GABRA3: variants seen among roughly 807,000 people sequenced by gnomAD.
The protein encoded by GABRA3 is gamma-aminobutyric acid receptor subunit alpha-3.
A neutral mutation model predicts 30.1 loss-of-function variants in GABRA3; 10 were observed. The ratio of observed to expected loss-of-function variants is 0.33; its 90% CI spans 0.20 to 0.56. The LOEUF (loss-of-function observed/expected upper bound fraction) is 0.56. Among genes scored for constraint, GABRA3 ranks in the 20% least tolerant of loss-of-function variants. The pLI is 0.89. For missense variants in GABRA3, 233 were observed against 392.0 expected, an observed-to-expected ratio of 0.59 and a Z score of 3.42; for synonymous variants, 151 against 146.8, an observed-to-expected ratio of 1.03 and a Z score of -0.21.
At chrX:152,440,903 A>G (rs1930910336) in intron 1 of GABRA3, among the ~76,000 whole-genome samples, 1 of 110,604 alleles carries the variant, frequency 9.0e-6, no homozygotes, top group South Asian at 3.9e-4. Flanking sequence ...TAGGAGAAAT[A>G]CCTAATGTAT....
chrX:152,169,838 GTTTTC>G (rs375406709), intron 9 of GABRA3, among the ~76,000 whole-genome samples: 2 of 111,220 alleles, frequency 1.8e-5, no homozygotes, highest in African/African-American at 6.5e-5. Flanking sequence ...CTTCCTACTT[GTTTTC>G]TTTGTGTGTT....
intron 1 of GABRA3, among the ~76,000 whole-genome samples, chrX:152,439,137 TTA>T (rs199688199): frequency 2.7e-5 from 3 of 110,046 alleles, no homozygotes; most frequent in Non-Finnish European, 3.8e-5. Flanking sequence ...ATTATTATTA[TTA>T]TTTTTTGAGA....
At chrX:152,314,030 AG>A (rs1305966241) in intron 3 of GABRA3, among the ~76,000 whole-genome samples, 3 of 111,718 alleles carry the variant, frequency 2.7e-5, no homozygotes, top group African/African-American at 9.8e-5. Flanking sequence ...GTCCCAGGAA[AG>A]GAAGATATCA....
Position 152,255,876 on chromosome X carries a change from G to A in GABRA3, c.453C>T (p.Thr151=), listed in dbSNP as rs868091996. The change falls in exon 5 of 10, where the codon ACC becomes ACT. Residue 151 remains threonine (T), a synonymous_variant. Coordinates refer to ENST00000370314, the MANE Select transcript of GABRA3 (RefSeq NM_000808.4). ...LLASKIWTPD[T]FFHNGKKSVA... ...CTGATTTCTTGCCATTGTGGAAGAA[G>A]GTGTCCGGTGTCCAGATCTTACTAG... is the stretch of plus-strand genomic sequence containing the variant. 8.3e-7 allele frequency: 1 copy of A among 1,210,157 alleles called. No homozygotes were observed. The highest frequency in any genetic ancestry group is 1.7e-5 in the African/African-American group (1 of 57,570).
chrX:152,368,204 G>T (rs1237987045), intron 1 of GABRA3, among the ~76,000 whole-genome samples: 1 of 111,418 alleles, frequency 9.0e-6, no homozygotes, highest in Non-Finnish European at 1.9e-5. Flanking sequence ...ATTAACTCTA[G>T]TCACCATGTT....
At chrX:152,327,202 C>CA (rs1191603368) in intron 3 of GABRA3, among the ~76,000 whole-genome samples, 1 of 109,641 alleles carries the variant, frequency 9.1e-6, no homozygotes, top group Non-Finnish European at 1.9e-5. Flanking sequence ...ATTCACAAAG[C>CA]AAGCCCTTAG....
At chrX:152,211,258 C>T (rs1029921109) in intron 6 of GABRA3, among the ~76,000 whole-genome samples, 54 of 109,240 alleles carry the variant, frequency 4.9e-4, no homozygotes, top group Non-Finnish European at 6.4e-4. Flanking sequence ...CTTGCTGGAT[C>T]TCTTAACTTA....
In GABRA3 at chrX:152,267,634, T is replaced by A. The variant is rs1474650904; in HGVS notation, c.331-11636A>T. On this transcript the variant is annotated intron_variant, in intron 4 of 9. Coordinates refer to ENST00000370314, the MANE Select transcript of GABRA3 (RefSeq NM_000808.4). ...GGAATTAAGCAATGCAGCCATCAGG[T>A]CCTGGGTTTTATTTGACAGGAGAAA... is the stretch of plus-strand genomic sequence containing the variant. Among the ~76,000 whole-genome samples the A allele has an allele frequency of 2.7e-5, 3 of 111,442 alleles. No individual in the cohort carries two copies. The East Asian group carries it at 8.4e-4, about 31-fold the overall frequency.
chrX:152,386,787 C>T (rs1929328213), intron 1 of GABRA3, among the ~76,000 whole-genome samples: 1 of 110,665 alleles, frequency 9.0e-6, no homozygotes, highest in African/African-American at 3.3e-5. Context: ...CCCAGCCATC[C>T]CATTACTGGG....
chrX:152,279,962 G>A (rs190710735), intron 4 of GABRA3, among the ~76,000 whole-genome samples: 1 of 111,431 alleles, frequency 9.0e-6, no homozygotes, highest in Non-Finnish European at 1.9e-5. Context: ...CATTGATTTT[G>A]TATCCTGAGA....
chrX:152,404,732 TTTATTATTATTATTATTATTATTATTA>T (rs201230420), intron 1 of GABRA3, among the ~76,000 whole-genome samples: 102 of 65,898 alleles, frequency 1.5e-3, no homozygotes, highest in African/African-American at 4.1e-3. Flanking sequence ...CAGGAAGTCA[TTTATTATTATTATTATTATTATTATTA>T]TTATTATTAT....
intron 4 of GABRA3, among the ~76,000 whole-genome samples, chrX:152,260,361 T>C (rs1307124357): frequency 9.0e-6 from 1 of 111,128 alleles, no homozygotes; most frequent in Non-Finnish European, 1.9e-5. Flanking sequence ...CATATACTGA[T>C]TGTAGAACAC....
chrX:152,223,206 A>C (rs760820579), intron 6 of GABRA3, among the ~76,000 whole-genome samples: 56 of 110,845 alleles, frequency 5.1e-4, no homozygotes, highest in African/African-American at 1.7e-3. Context: ...AGAATTTTAG[A>C]CACTTCAATC....
rs373484630 is a variant in GABRA3, at chrX:152,316,217, A to G, written c.262+29364T>C. Among the ~76,000 whole-genome samples the G allele has an allele frequency of 1.6e-4, 18 of 110,523 alleles. 1 individual carries two copies. In the South Asian group the frequency reaches 7.1e-3, roughly 43 times the overall value. The stretch of plus-strand genomic sequence containing the variant: ...ACTTAGAGAAATGCAAACTGTACTG[A>G]AAAGTCTCAGCAATAGAACAGAAAA... On this transcript the variant is annotated intron_variant, in intron 3 of 9. Transcript: ENST00000370314.
intron 3 of GABRA3, among the ~76,000 whole-genome samples, chrX:152,338,816 C>T (rs1940271924): frequency 8.9e-6 from 1 of 111,764 alleles, no homozygotes; most frequent in Non-Finnish European, 1.9e-5. Context: ...GTTCTTGGAT[C>T]TTTCGTCCAA....
intron 3 of GABRA3, among the ~76,000 whole-genome samples, chrX:152,295,493 T>A (rs1939511661): frequency 8.8e-6 from 1 of 113,136 alleles, no homozygotes; most frequent in Admixed American, 9.3e-5. Context: ...GGGCATGGGA[T>A]CTGCTGAGCC....
At chrX:152,387,588 T>C (rs1374813464) in intron 1 of GABRA3, among the ~76,000 whole-genome samples, 1 of 111,519 alleles carries the variant, frequency 9.0e-6, no homozygotes, top group Admixed American at 9.6e-5. Context: ...TTTACATATA[T>C]AGTGTTTCAT....
At position 152,357,841 on chromosome X, in the gene GABRA3, T is replaced by G. The variant is rs560436532; in HGVS notation, c.140+6590A>C. ...CCCCATTGCTTGTTTTTGTCAATGC[T>G]GTGAAAGATCAGATGTTTGTAGATC... On this transcript the variant is annotated intron_variant, in intron 2 of 9. Transcript: ENST00000370314. Among the ~76,000 whole-genome samples the G allele has an allele frequency of 2.1e-4, 24 of 111,662 alleles. No homozygotes were observed. In the East Asian group the frequency reaches 5.1e-3, roughly 24 times the overall value.
intron 1 of GABRA3, among the ~76,000 whole-genome samples, chrX:152,383,402 AAAAAAAAAG>A (rs1929202061): frequency 1.9e-5 from 2 of 103,932 alleles, no homozygotes; most frequent in Non-Finnish European, 3.9e-5. Flanking sequence ...AAAAAAAAAA[AAAAAAAAAG>A]AAAGAAAGAA....
Sources: gnomAD v4.1 joint callset for allele counts (sites outside exome capture counted in the v4.1 genomes callset) on GRCh38, gnomAD v4.1.1 for gene constraint, MANE v1.5 for transcripts, NCBI Gene and HGNC (gene_info 2026-07-23, HGNC 2026-07-21) for gene names.